ANK3: variants seen among roughly 807,000 people sequenced by gnomAD.
ANK3 encodes the protein ankyrin 3, also known as ankyrin-3.
Under a neutral mutation model 370.9 loss-of-function variants are expected in ANK3, and 57 were observed. The ratio of observed to expected loss-of-function variants is 0.15; its 90% CI spans 0.12 to 0.19. The LOEUF (loss-of-function observed/expected upper bound fraction) is 0.19. ANK3 is among the 10% of genes least tolerant of loss of function. ANK3 has a pLI of 1.00. For synonymous variants in ANK3, 1,929 were observed against 1,946.3 expected, an observed-to-expected ratio of 0.99 and a Z score of 0.23; for missense variants, 4,439 against 5,302.1, an observed-to-expected ratio of 0.84 and a Z score of 5.06.
rs750384975 is a variant in ANK3, at chr10:60,583,511, G to GTTTTTTT, written c.96+31674_96+31675insAAAAAAA. ...CATATAGCTTACAGAGAGGTTTTTTGTTTTTTGTTTTTTGTTTTTTTTTGA... is the reference window on the plus strand; with the variant it reads ...CATATAGCTTACAGAGAGGTTTTTTGTTTTTTTTTTTTTGTTTTTTGTTTTTTTTTGA... On this transcript the variant is annotated intron_variant, in intron 2 of 43. Transcript: ENST00000373827. Among the ~76,000 whole-genome samples, 4 of 100,078 alleles carry GTTTTTTT rather than the reference G, an allele frequency of 4.0e-5. 1 individual carries two copies. The highest frequency in any genetic ancestry group is 3.4e-5 in the African/African-American group (1 of 29,148). 65.7% of individuals were successfully genotyped at this position (100,078 alleles called of 152,430 possible). A position where few individuals can be genotyped will look rare whatever the true frequency, so the allele number is the denominator to read the frequency against.
chr10:60,498,759 C>T (rs895214214), intron 2 of ANK3, among the ~76,000 whole-genome samples: 8 of 152,172 alleles, frequency 5.3e-5, no homozygotes, highest in African/African-American at 1.7e-4. Flanking sequence ...TTGTCTTTAA[C>T]TGACTTGACT....
At chr10:60,150,837 A>G (rs571932989) in intron 23 of ANK3, among the ~76,000 whole-genome samples, 146 of 152,312 alleles carry the variant, frequency 9.6e-4, no homozygotes, top group African/African-American at 3.4e-3. Context: ...CATGAGCCAA[A>G]TAAACCTCAT....
chr10:60,210,714 A>G (rs574421924), intron 9 of ANK3, among the ~76,000 whole-genome samples: 147 of 152,294 alleles, frequency 9.7e-4, no homozygotes, highest in African/African-American at 3.4e-3. Context: ...ATTCCCACAC[A>G]CACAATGGGG....
intron 1 of ANK3, among the ~76,000 whole-genome samples, chr10:60,317,801 C>T (rs1444100588): frequency 1.3e-5 from 2 of 151,128 alleles, no homozygotes; most frequent in South Asian, 2.1e-4. Context: ...GTAAGCTCCA[C>T]CTCGCGGGTT....
At chr10:60,358,471 TC>T (rs980420333) in intron 1 of ANK3, among the ~76,000 whole-genome samples, 2 of 152,196 alleles carry the variant, frequency 1.3e-5, no homozygotes, top group African/African-American at 4.8e-5. Context: ...TCTCAGCCTC[TC>T]ATTTGGTTTC....
chr10:60,391,080 T>A (rs2063064805), upstream of ANK3, among the ~76,000 whole-genome samples: 1 of 152,208 alleles, frequency 6.6e-6, no homozygotes, highest in Non-Finnish European at 1.5e-5. Context: ...CCTCTTTTCC[T>A]CTTGTAGGAC....
intron 1 of ANK3, among the ~76,000 whole-genome samples, chr10:60,658,940 A>G (rs184644512): frequency 1.2e-3 from 184 of 151,874 alleles, no homozygotes; most frequent in Non-Finnish European, 2.0e-3. Flanking sequence ...AAAAGAAAAG[A>G]GAAAAAAGAG....
Position 60,192,783 on chromosome 10 carries a change from A to T in ANK3, c.1887+3362T>A, listed in dbSNP as rs543293488. On this transcript the variant is annotated intron_variant, in intron 16 of 43. Transcript: ENST00000280772. ...GTGATGGTTTCACTAAAAGCCCTGT[A>T]TTCAGCACTAAGCGACATATCCATG... 1.5e-3 allele frequency among the ~76,000 whole-genome samples: 235 copies of T among 152,244 alleles called. 1 individual carries two copies. The highest frequency in any genetic ancestry group is 0.01 in the South Asian group (50 of 4,812).
intron 16 of ANK3, among the ~76,000 whole-genome samples, chr10:60,191,377 C>G (rs1173195697): frequency 7.9e-6 from 1 of 127,002 alleles, no homozygotes; most frequent in Non-Finnish European, 1.8e-5. Flanking sequence ...AGGAACTCAA[C>G]TCAACAAGAA....
At chr10:60,352,353 T>A (rs752327305) in intron 1 of ANK3, among the ~76,000 whole-genome samples, 1 of 152,190 alleles carries the variant, frequency 6.6e-6, no homozygotes, top group South Asian at 2.1e-4. Context: ...CTTGTGATAA[T>A]AAAGTCCTTG....
At chr10:60,033,471 G>T (rs10821658) in intron 43 of ANK3, among the ~76,000 whole-genome samples, 2 of 143,884 alleles carry the variant, frequency 1.4e-5, no homozygotes, top group Non-Finnish European at 3.0e-5. Flanking sequence ...GCTGAAATCG[G>T]GCCATCACAC....
At position 60,146,076 on chromosome 10, in the gene ANK3, C is replaced by A. The variant is rs948572132; in HGVS notation, c.2615-6989G>T. On this transcript the variant is annotated intron_variant, in intron 23 of 43. Coordinates refer to ENST00000280772, the MANE Select transcript of ANK3 (RefSeq NM_020987.5). ...ATAAAACAAAACAAAATATAGGGAC[C>A]ACAGATCAGTCATATAAGCTCTATG... The A allele has an allele frequency of 9.8e-6, 15 of 1,527,682 alleles. No homozygotes were observed. The South Asian group carries it at 1.8e-4, about 18-fold the overall frequency. The allele number at this position is 1,527,682 out of a possible 1,614,324, so 94.6% of individuals were successfully genotyped here. A position where few individuals can be genotyped will look rare whatever the true frequency, so the allele number is the denominator to read the frequency against.
At chr10:60,121,863 T>C (rs376480400) in intron 25 of ANK3, among the ~76,000 whole-genome samples, 1 of 152,190 alleles carries the variant, frequency 6.6e-6, no homozygotes, top group Non-Finnish European at 1.5e-5. Flanking sequence ...CATGATGTGA[T>C]TGTGCACTGC....
At chr10:60,551,643 C>G (rs1172674874) in intron 2 of ANK3, among the ~76,000 whole-genome samples, 1 of 151,958 alleles carries the variant, frequency 6.6e-6, no homozygotes, top group Non-Finnish European at 1.5e-5. Flanking sequence ...AAATTTAACA[C>G]AAAGAAAAAC....
chr10:60,445,007 T>C (rs1355234030), intron 2 of ANK3, among the ~76,000 whole-genome samples: 1 of 152,222 alleles, frequency 6.6e-6, no homozygotes, highest in Non-Finnish European at 1.5e-5. Context: ...AAGTCATTAG[T>C]GTTTTGAGAG....
intron 18 of ANK3, among the ~76,000 whole-genome samples, chr10:60,176,079 T>G (rs934716349): frequency 1.3e-5 from 2 of 150,354 alleles, no homozygotes; most frequent in African/African-American, 4.9e-5. Flanking sequence ...ACGCCTGTAC[T>G]CCCAGCACTT....
chr10:60,335,218 C>T (rs2052529246), intron 1 of ANK3, among the ~76,000 whole-genome samples: 1 of 151,968 alleles, frequency 6.6e-6, no homozygotes. Context: ...GAGGTTGTGG[C>T]TAGTAAGGGA....
intron 2 of ANK3, among the ~76,000 whole-genome samples, chr10:60,467,485 A>C (rs2065037500): frequency 6.6e-6 from 1 of 152,192 alleles, no homozygotes; most frequent in African/African-American, 2.4e-5. Flanking sequence ...TCTTTACAGA[A>C]GGTTTTTGAA....
chr10:60,075,021 C>T lies in ANK3; in HGVS notation c.5860G>A (p.Asp1954Asn). Reference protein sequence around the residue: ...PFKIVEKVKEDLVKVSEILKK... With the variant: ...PFKIVEKVKENLVKVSEILKK... ...AGGATTTCACTAACTTTCACTAAGT[C>T]TTCCTTTACTTTCTCTACAATTTTG... The change falls in exon 37 of 44, where the codon GAC becomes AAC. Residue 1954 changes from aspartate to asparagine, a missense_variant. Physicochemically the swap from Asp to Asn is conservative, Grantham distance 23. Transcript: ENST00000280772. 1 of 1,613,922 alleles carries T rather than the reference C, an allele frequency of 6.2e-7. No homozygotes were observed. Among genetic ancestry groups the T allele is most frequent in the Non-Finnish European group, 8.5e-7 (1 of 1,179,948 alleles).
Sources: allele counts gnomAD v4.1 joint callset (sites outside exome capture counted in the v4.1 genomes callset), GRCh38; gene constraint gnomAD v4.1.1; transcripts MANE v1.5; gene names NCBI Gene and HGNC (gene_info 2026-07-23, HGNC 2026-07-21).